ABCA6: variants seen among roughly 807,000 people sequenced by gnomAD.
ABCA6 encodes the protein ATP-binding cassette sub-family A member 6.
Under a neutral mutation model 191.2 loss-of-function variants are expected in ABCA6, and 164 were observed. The ratio of observed to expected loss-of-function variants is 0.86; its 90% CI spans 0.76 to 0.98. ABCA6 has a LOEUF of 0.98. ABCA6 is among the 50% of genes least tolerant of loss of function. The probability of loss-of-function intolerance (pLI) is 0.00; values close to 1 mark genes in which losing one functional copy is unlikely to be tolerated. For synonymous variants in ABCA6, 636 were observed against 647.7 expected (o/e 0.98, Z 0.27); for missense variants, 1,958 against 1,894.1 (o/e 1.03, Z -0.63).
At chr17:69,083,382 A>G in intron 34 of ABCA6, 51 bp from the exon 35 acceptor site, 3 of 1,498,224 alleles carry the variant, frequency 2.0e-6, no homozygotes, top group South Asian at 2.8e-5. Context: ...AGTGCAGAAG[A>G]AAAAAAAGAT....
chr17:69,112,612 A>G, intron 15 of ABCA6: 1 of 245,066 alleles, frequency 4.1e-6, no homozygotes, highest in South Asian at 5.9e-5. Context: ...ATGGGTACAC[A>G]TGGACATACA....
chr17:69,100,193 C>T (rs185885887), intron 22 of ABCA6, among the ~76,000 whole-genome samples: 61 of 152,264 alleles, frequency 4.0e-4, no homozygotes, highest in Middle Eastern at 3.4e-3. Flanking sequence ...GTGACTGGAG[C>T]CCAATGTAGG....
intron 28 of ABCA6, among the ~76,000 whole-genome samples, chr17:69,087,901 T>C (rs965915726): frequency 2.0e-5 from 3 of 152,214 alleles, no homozygotes; most frequent in African/African-American, 7.2e-5. Context: ...TTTTCAAGGA[T>C]GCACAATTAT....
Position 69,106,021 on chromosome 17 carries a change from T to TACTCACAG in ABCA6, c.2572_2573+6dup. On this transcript the variant is annotated splice_region_variant and intron_variant, in intron 19 of 38. Transcript: ENST00000284425. ...ATCTAACAAAACCACAGTACTCTCC[T>TACTCACAG]ACTCACAGGGTCAATAACACTTTAG... The TACTCACAG allele has an allele frequency of 6.2e-7, 1 of 1,602,626 alleles. No homozygotes were observed. Among genetic ancestry groups the TACTCACAG allele is most frequent in the South Asian group, 1.1e-5 (1 of 88,724 alleles).
intron 34 of ABCA6, 105 bp downstream of exon 34, chr17:69,084,156 G>T: frequency 1.1e-6 from 1 of 939,540 alleles, no homozygotes; most frequent in Non-Finnish European, 1.6e-6. Flanking sequence ...TATTTCCACT[G>T]AATCAGGAAC....
rs371748062 is a variant in ABCA6 at position 69,117,044 on chromosome 17, T to C, written c.1495+854A>G. Among the ~76,000 whole-genome samples, 177 of 151,980 alleles carry C rather than the reference T, an allele frequency of 1.2e-3. 1 individual carries two copies. Among genetic ancestry groups the C allele is most frequent in the African/African-American group, 4.2e-3 (173 of 41,390 alleles). On this transcript the variant is annotated intron_variant, in intron 11 of 38. Coordinates refer to ENST00000284425, the MANE Select transcript of ABCA6 (RefSeq NM_080284.3). Reference sequence around the variant, plus strand: ...TATTTCAGTATCTCCTGAGCTAACATTAAAGAAAGAAATCACAGCTCTAGA... The same window carrying C: ...TATTTCAGTATCTCCTGAGCTAACACTAAAGAAAGAAATCACAGCTCTAGA...
chr17:69,102,444 T>C (rs2073202801), intron 21 of ABCA6, among the ~76,000 whole-genome samples: 1 of 152,254 alleles, frequency 6.6e-6, no homozygotes, highest in African/African-American at 2.4e-5. Context: ...AGAATACTTT[T>C]TTCTCAGTTA....
In ABCA6 at chr17:69,105,731, A is replaced by G. The variant is rs1405757276; in HGVS notation, c.2574-103T>C. 3.2e-6 allele frequency: 3 copies of G among 931,858 alleles called. No homozygotes were observed. In the East Asian group the frequency reaches 7.8e-5, roughly 24 times the overall value. 57.7% of individuals were successfully genotyped at this position (931,858 alleles called of 1,614,324 possible). ...TGAGTGCCAAGCCTGCCTTATGCCAATCATGATTCTAGGTGCTAAAATTCT... is the reference window on the plus strand; with the variant it reads ...TGAGTGCCAAGCCTGCCTTATGCCAGTCATGATTCTAGGTGCTAAAATTCT... On this transcript the variant is annotated intron_variant, in intron 19 of 38. Transcript: ENST00000284425.
chr17:69,085,223 A>T (rs1242888442), intron 31 of ABCA6, 41 bp from the exon 32 acceptor site: 3 of 1,559,410 alleles, frequency 1.9e-6, no homozygotes, highest in Non-Finnish European at 2.6e-6. Flanking sequence ...TGCAGCCTTT[A>T]TTCCAATAGC....
intron 29 of ABCA6, 97 bp downstream of exon 29, chr17:69,087,256 C>G: frequency 6.7e-7 from 1 of 1,500,624 alleles, no homozygotes; most frequent in Non-Finnish European, 9.0e-7. Flanking sequence ...ATGCACCAAA[C>G]TCCAAACTCT....
chr17:69,112,518 C>A, intron 15 of ABCA6: 1 of 393,240 alleles, frequency 2.5e-6, no homozygotes, highest in Non-Finnish European at 4.6e-6. Flanking sequence ...ATGGATGGAA[C>A]TGGAGTCTAT....
At chr17:69,087,676 C>G in intron 28 of ABCA6, 2 of 624,746 alleles carry the variant, frequency 3.2e-6, no homozygotes, top group Non-Finnish European at 5.4e-6. Context: ...TGTTGCCATT[C>G]TTCTGGTAAG....
At chr17:69,103,441 G>A (rs994450343) in intron 20 of ABCA6, among the ~76,000 whole-genome samples, 1 of 151,892 alleles carries the variant, frequency 6.6e-6, no homozygotes, top group African/African-American at 2.4e-5. Context: ...AAACATTTAC[G>A]TACATATTCC....
intron 34 of ABCA6, among the ~76,000 whole-genome samples, 156 bp downstream of exon 34, chr17:69,084,105 T>A (rs545369562): frequency 5.6e-4 from 86 of 152,346 alleles, no homozygotes; most frequent in Non-Finnish European, 6.6e-4. Flanking sequence ...GCAGATTAGA[T>A]CATCTACTGG....
intron 28 of ABCA6, 109 bp downstream of exon 28, chr17:69,088,058 C>G: frequency 1.0e-6 from 1 of 955,672 alleles, no homozygotes; most frequent in Non-Finnish European, 1.5e-6. Flanking sequence ...TGACAATCAA[C>G]ATGTGCTTCC....
At chr17:69,098,271 C>A in intron 22 of ABCA6, 1 of 406,162 alleles carries the variant, frequency 2.5e-6, no homozygotes. Context: ...AGCAAGCTCT[C>A]GAAGAGATAC....
Position 69,086,685 on chromosome 17 carries a change from C to T in ABCA6, c.3870G>A (p.Lys1290=), listed in dbSNP as rs781606251. 1 of 1,612,920 alleles carries T rather than the reference C, an allele frequency of 6.2e-7. No homozygotes were observed. Reference sequence around the variant, plus strand: ...TCTTCCTCTTTGAAAAGCAACTTTTCTTCTGGCCTGCATATTCTTTGTGTA... The same window carrying T: ...TCTTCCTCTTTGAAAAGCAACTTTTTTTCTGGCCTGCATATTCTTTGTGTA... ...SCLHKEYAGQ[K]KSCFSKRKKK... is the part of the protein sequence containing the mutation. The change falls in exon 30 of 39, where the codon AAG becomes AAA. Residue 1290 remains lysine, a synonymous_variant. Coordinates refer to ENST00000284425, the MANE Select transcript of ABCA6 (RefSeq NM_080284.3).
chr17:69,087,823 C>T (rs1161167314), intron 28 of ABCA6, among the ~76,000 whole-genome samples: 1 of 152,162 alleles, frequency 6.6e-6, no homozygotes, highest in Non-Finnish European at 1.5e-5. Flanking sequence ...TACTGCTCAC[C>T]CTTTCTACAG....
chr17:69,123,498 G>T, intron 9 of ABCA6, 91 bp from the exon 10 acceptor site: 1 of 880,634 alleles, frequency 1.1e-6, no homozygotes, highest in Non-Finnish European at 1.5e-6. Flanking sequence ...ATGCCTTGAA[G>T]TTTTAAGCAT....
Sources: gnomAD v4.1 joint callset for allele counts (sites outside exome capture counted in the v4.1 genomes callset) on GRCh38, gnomAD v4.1.1 for gene constraint, MANE v1.5 for transcripts, NCBI Gene and HGNC (gene_info 2026-07-23, HGNC 2026-07-21) for gene names.